Variants in SNX25 observed in about 807,000 individuals in gnomAD.
The protein encoded by SNX25 is sorting nexin 25.
A neutral mutation model predicts 113.7 loss-of-function variants in SNX25; 62 were observed. The observed-to-expected ratio is 0.55, with a 90% CI of 0.44 to 0.67. The LOEUF is 0.67. Among genes scored for constraint, SNX25 ranks in the 30% least tolerant of loss-of-function variants. The pLI is 0.00. For missense variants in SNX25, 1,014 were observed against 1,161.0 expected (o/e 0.87, Z 1.84); for synonymous variants, 421 against 436.2 (o/e 0.97, Z 0.43).
intron 7 of SNX25, among the ~76,000 whole-genome samples, chr4:185,317,364 CTGT>C (rs1316116682): frequency 6.6e-6 from 1 of 152,180 alleles, no homozygotes; most frequent in Non-Finnish European, 1.5e-5. Context: ...TGCTTTTACA[CTGT>C]TGGTAGGAGT....
chr4:185,374,504 T>C (rs1402436213), downstream of SNX25: 5 of 1,596,994 alleles, frequency 3.1e-6, no homozygotes, highest in Non-Finnish European at 4.3e-6. Flanking sequence ...TTTTTAGTTT[T>C]ACCCAAACTG....
intron 1 of SNX25, among the ~76,000 whole-genome samples, chr4:185,215,516 A>G (rs969504642): frequency 2.6e-5 from 4 of 152,210 alleles, no homozygotes; most frequent in African/African-American, 9.6e-5. Flanking sequence ...TCATTTAGTT[A>G]CTCAAGGGGA....
chr4:185,213,427 A>G (rs959870158), intron 1 of SNX25, among the ~76,000 whole-genome samples: 1 of 152,184 alleles, frequency 6.6e-6, no homozygotes, highest in Non-Finnish European at 1.5e-5. Context: ...GAAGGTCAGG[A>G]AGGTTGTTGC....
intron 8 of SNX25, among the ~76,000 whole-genome samples, chr4:185,321,117 A>G (rs2095116224): frequency 6.6e-6 from 1 of 151,824 alleles, no homozygotes; most frequent in African/African-American, 2.4e-5. Flanking sequence ...AGTTTTGGGT[A>G]TTTTTTTTAC....
At chr4:185,223,741 G>GAAAAAA (rs33966647) in intron 1 of SNX25, among the ~76,000 whole-genome samples, 1 of 146,716 alleles carries the variant, frequency 6.8e-6, no homozygotes. Context: ...AGATCGTGCC[G>GAAAAAA]AAAAAAAAAA....
At chr4:185,246,286 CAAA>C (rs1224253048) in intron 1 of SNX25, among the ~76,000 whole-genome samples, 2 of 152,046 alleles carry the variant, frequency 1.3e-5, no homozygotes, top group Admixed American at 6.6e-5. Context: ...ATGTGAGACT[CAAA>C]AAAGTCCTTT....
chr4:185,276,412 A>G (rs1374679222), intron 5 of SNX25, among the ~76,000 whole-genome samples: 1 of 152,238 alleles, frequency 6.6e-6, no homozygotes, highest in Non-Finnish European at 1.5e-5. Flanking sequence ...AGAAGCTCCA[A>G]TAAATAACAA....
At chr4:185,307,745 A>G (rs1754664278) in intron 6 of SNX25, among the ~76,000 whole-genome samples, 2 of 152,102 alleles carry the variant, frequency 1.3e-5, no homozygotes, top group Admixed American at 6.5e-5. Context: ...TCTGGATTCC[A>G]TTCCTTGTCT....
chr4:185,370,575 C>A, downstream of SNX25: 2 of 1,529,866 alleles, frequency 1.3e-6, no homozygotes, highest in South Asian at 1.2e-5. Flanking sequence ...TAAAACTATT[C>A]AAGTTGCAGC....
chr4:185,375,407 G>A, the SNX25 span, among the ~76,000 whole-genome samples: 13 of 132,222 alleles, frequency 9.8e-5, no homozygotes, highest in Admixed American at 9.4e-4. Context: ...AGTGAGCCGA[G>A]GTCGCGCCAT....
chr4:185,253,259 T>C (rs1172967928), intron 2 of SNX25, among the ~76,000 whole-genome samples: 1 of 152,174 alleles, frequency 6.6e-6, no homozygotes, highest in African/African-American at 2.4e-5. Flanking sequence ...ATTGAAAATA[T>C]AATTCTTTTT....
At chr4:185,314,249 C>T (rs1243132865) in intron 7 of SNX25, among the ~76,000 whole-genome samples, 4 of 138,662 alleles carry the variant, frequency 2.9e-5, no homozygotes, top group Non-Finnish European at 4.5e-5. Flanking sequence ...CAGCACTTGG[C>T]GGGCAAAGAC....
intron 1 of SNX25, among the ~76,000 whole-genome samples, chr4:185,222,134 C>G (rs1318864819): frequency 6.8e-6 from 1 of 147,842 alleles, no homozygotes; most frequent in Non-Finnish European, 1.5e-5. Flanking sequence ...GCACCATATA[C>G]CCCCCATTCA....
chr4:185,209,693 G>A lies in SNX25; in HGVS notation c.-134G>A, dbSNP rs921661348. On this transcript the variant is annotated 5_prime_UTR_variant, in exon 1 of 19. Transcript: ENST00000652585. The surrounding 1 kb of genome is among the most constrained non-coding windows in gnomAD (Gnocchi z 5.2). Reference sequence around the variant, plus strand: ...GCTGAGGGGTCGCCGAGAGGGGCCCGGCGGCGTCTGCGGGGGCCGCTCCCT... The same window carrying A: ...GCTGAGGGGTCGCCGAGAGGGGCCCAGCGGCGTCTGCGGGGGCCGCTCCCT... 4.9e-4 allele frequency: 475 copies of A among 972,448 alleles called. No homozygotes were observed. Among genetic ancestry groups the A allele is most frequent in the Non-Finnish European group, 5.7e-4 (463 of 818,602 alleles). 60.2% of individuals were successfully genotyped at this position (972,448 alleles called of 1,614,324 possible). A position where few individuals can be genotyped will look rare whatever the true frequency, so the allele number is the denominator to read the frequency against.
intron 7 of SNX25, among the ~76,000 whole-genome samples, chr4:185,319,116 A>G: frequency 6.8e-6 from 1 of 146,768 alleles, no homozygotes; most frequent in African/African-American, 2.5e-5. Flanking sequence ...TTTTTTTTAA[A>G]GGACATATCA....
chr4:185,205,141 C>G (rs991117691), upstream of SNX25, among the ~76,000 whole-genome samples: 4 of 152,192 alleles, frequency 2.6e-5, no homozygotes, highest in African/African-American at 7.2e-5. Flanking sequence ...AAAGTATAAT[C>G]AATTCTCTTT....
At position 185,362,069 on chromosome 4, in the gene SNX25, CAG is replaced by C; in HGVS notation, c.2802_2803del (p.Arg934SerfsTer7). 4.3e-6 allele frequency: 7 copies of C among 1,613,798 alleles called. No homozygotes were observed. The highest frequency in any genetic ancestry group is 5.9e-6 in the Non-Finnish European group (7 of 1,179,816). On this transcript the variant is annotated frameshift_variant, in exon 17 of 19. Transcript: ENST00000652585. LOFTEE classifies it high-confidence loss of function. ...CAAAGAGCAAAGTCAGGAAACAAAA[CAG>C]AGAGCACAGCAAAAGCTGCTTGAAA... ...RSKEQSQETK[Q>X]RAQQKLLENI...
Position 185,209,959 on chromosome 4 carries a change from G to A in SNX25, c.133G>A (p.Ala45Thr). The change falls in exon 1 of 19, where the codon GCA becomes ACA. Residue 45 changes from alanine (A) to threonine (T), a missense_variant. Physicochemically the swap from Ala to Thr is moderately conservative, Grantham distance 58 (BLOSUM62 0). Coordinates refer to ENST00000652585, the MANE Select transcript of SNX25 (RefSeq NM_001378034.2). This position sits in a 1 kb window ranked among gnomAD's most constrained non-coding sequence, Gnocchi z 5.2. Reference sequence around the variant, plus strand: ...GTCCCCGGGGGACGCGGAGGCAGCAGCAGCGGCGGCGCCGGGGGCCCCGGG... The same window carrying A: ...GTCCCCGGGGGACGCGGAGGCAGCAACAGCGGCGGCGCCGGGGGCCCCGGG... ...PESPGDAEAA[A>T]AAAPGAPGGR... is the part of the protein sequence containing the mutation. 1 of 983,534 alleles carries A rather than the reference G, an allele frequency of 1.0e-6. No individual in the cohort carries two copies. Among genetic ancestry groups the A allele is most frequent in the Non-Finnish European group, 1.2e-6 (1 of 829,128 alleles). 60.9% of individuals were successfully genotyped at this position (983,534 alleles called of 1,614,324 possible). A position where few individuals can be genotyped will look rare whatever the true frequency, so the allele number is the denominator to read the frequency against.
At chr4:185,257,109 A>T (rs1178627928) in intron 2 of SNX25, among the ~76,000 whole-genome samples, 1 of 151,278 alleles carries the variant, frequency 6.6e-6, no homozygotes, top group Non-Finnish European at 1.5e-5. Context: ...AAAGAAAAGC[A>T]GGAGGATAAA....
Sources: allele counts gnomAD v4.1 joint callset (sites outside exome capture counted in the v4.1 genomes callset), GRCh38; gene constraint gnomAD v4.1.1; non-coding constraint Gnocchi (gnomAD v3.1); transcripts MANE v1.5; gene names NCBI Gene and HGNC (gene_info 2026-07-23, HGNC 2026-07-21).